SVIL: variants seen among roughly 807,000 people sequenced by gnomAD.
SVIL encodes supervillin.
SVIL carries 101 observed loss-of-function variants against 240.4 expected under a neutral mutation model. That is an observed-to-expected ratio of 0.42 (90% confidence interval 0.36 to 0.50). The LOEUF (loss-of-function observed/expected upper bound fraction) is 0.50. SVIL is among the 20% of genes least tolerant of loss of function. The pLI is 0.01. For missense variants in SVIL, 2,512 were observed against 2,818.7 expected (o/e 0.89, Z 2.46); for synonymous variants, 999 against 1,100.0 (o/e 0.91, Z 1.82).
At chr10:29,725,716 T>C (rs948163675) in intron 1 of SVIL, among the ~76,000 whole-genome samples, 1 of 152,158 alleles carries the variant, frequency 6.6e-6, no homozygotes, top group African/African-American at 2.4e-5. Context: ...TCAGTCAGGC[T>C]GATGGCCAGT....
chr10:29,675,232 G>T (rs1960107178), intron 2 of SVIL, among the ~76,000 whole-genome samples: 1 of 152,148 alleles, frequency 6.6e-6, no homozygotes, highest in Non-Finnish European at 1.5e-5. Flanking sequence ...GGGCACAATG[G>T]CTCATGTTTG....
intron 1 of SVIL, among the ~76,000 whole-genome samples, chr10:29,731,487 T>C (rs946607286): frequency 6.6e-6 from 1 of 152,250 alleles, no homozygotes; most frequent in Non-Finnish European, 1.5e-5. Flanking sequence ...ATGCATTTCA[T>C]GCAATAGAAA....
intron 16 of SVIL, among the ~76,000 whole-genome samples, chr10:29,520,657 C>T (rs1950500288): frequency 6.6e-6 from 1 of 152,138 alleles, no homozygotes; most frequent in African/African-American, 2.4e-5. Context: ...TCTGTAATCC[C>T]CGCACTTTGG....
chr10:29,550,846 G>A lies in SVIL; in HGVS notation c.578C>T (p.Ser193Phe). Residue 193 changes from serine to phenylalanine, a missense_variant, in exon 6 of 38, where the codon TCT (serine) becomes TTT (phenylalanine). This residue lies in a region of SVIL where 1,443 missense variants were observed against 1,486.6 expected (regional missense o/e 0.97). Transcript: ENST00000355867. ...KDYALHVGDG[S>F]SDPEVLLNIE... ...GTTCAGCAGCACCTCCGGGTCGGAA[G>A]AGCCGTCACCCACATGGAGGGCATA... 3 of 1,614,168 alleles carry A rather than the reference G, an allele frequency of 1.9e-6. No homozygotes were observed. Among genetic ancestry groups the A allele is most frequent in the Admixed American group, 1.7e-5 (1 of 60,022 alleles).
intron 3 of SVIL, among the ~76,000 whole-genome samples, chr10:29,640,434 C>G (rs186440266): frequency 6.6e-6 from 1 of 152,292 alleles, no homozygotes; most frequent in East Asian, 1.9e-4. Context: ...TCCCAGGACT[C>G]CGAGCCTGCT....
chr10:29,549,213 A>G (rs1333161029), intron 6 of SVIL, among the ~76,000 whole-genome samples: 2 of 146,230 alleles, frequency 1.4e-5, no homozygotes, highest in Admixed American at 6.9e-5. Flanking sequence ...TGGGTGAAGG[A>G]CATGAACAGA....
At chr10:29,459,764 A>C (rs1468384659) in intron 36 of SVIL, among the ~76,000 whole-genome samples, 1 of 152,154 alleles carries the variant, frequency 6.6e-6, no homozygotes, top group African/African-American at 2.4e-5. Flanking sequence ...TGTTGCTCAT[A>C]TTAGAAATAC....
At chr10:29,522,367 T>G in intron 16 of SVIL, 43 bp downstream of exon 16, 2 of 1,599,998 alleles carry the variant, frequency 1.3e-6, no homozygotes, top group Non-Finnish European at 1.7e-6. Context: ...AGCTGTAAGC[T>G]CCTCCCCGAG....
chr10:29,629,872 C>T lies in SVIL; in HGVS notation c.-201+4548G>A, dbSNP rs770839361. 3.4e-5 allele frequency among the ~76,000 whole-genome samples: 5 copies of T among 148,026 alleles called. 1 individual carries two copies. The highest frequency in any genetic ancestry group is 4.3e-4 in the South Asian group (2 of 4,608). On this transcript the variant is annotated intron_variant, in intron 1 of 37. Coordinates refer to ENST00000355867, the MANE Select transcript of SVIL (RefSeq NM_021738.3). ...GTGATTGCCTATAGTCCCAGCTACT[C>T]GGGAGGCTGAGGAAGGAGGAATGCT...
chr10:29,493,707 G>A (rs917133726), intron 20 of SVIL, among the ~76,000 whole-genome samples: 7 of 152,074 alleles, frequency 4.6e-5, no homozygotes, highest in Admixed American at 3.3e-4. Flanking sequence ...CTCATTCTAC[G>A]TGAAGGGTTG....
intron 1 of SVIL, among the ~76,000 whole-genome samples, chr10:29,612,486 A>G (rs901102971): frequency 1.3e-5 from 2 of 152,060 alleles, no homozygotes; most frequent in African/African-American, 4.8e-5. Flanking sequence ...CACGCTGATA[A>G]AGGACCTCCC....
At chr10:29,460,429 A>G (rs1944113476) in intron 36 of SVIL, among the ~76,000 whole-genome samples, 1 of 152,224 alleles carries the variant, frequency 6.6e-6, no homozygotes, top group Non-Finnish European at 1.5e-5. Context: ...CCCAAGATCT[A>G]TAGTGAATAC....
intron 36 of SVIL, among the ~76,000 whole-genome samples, chr10:29,461,288 C>T (rs1045655285): frequency 3.3e-5 from 5 of 152,140 alleles, no homozygotes; most frequent in African/African-American, 4.8e-5. Context: ...TCTGGTTTCA[C>T]GAAACCACAG....
At chr10:29,734,711 A>G (rs73596084) in intron 1 of SVIL, among the ~76,000 whole-genome samples, 18,239 of 152,180 alleles carry the variant, frequency 0.12, 1,221 homozygotes, top group South Asian at 0.23. Flanking sequence ...TAGGGTTCAC[A>G]GCAAGCAGAA....
intron 1 of SVIL, among the ~76,000 whole-genome samples, chr10:29,629,347 G>C (rs1232522106): frequency 2.0e-5 from 3 of 152,216 alleles, no homozygotes; most frequent in Non-Finnish European, 2.9e-5. Context: ...TCCATCTCAG[G>C]CACGTGGCAA....
chr10:29,606,948 T>A (rs1957050351), intron 1 of SVIL, among the ~76,000 whole-genome samples: 1 of 152,092 alleles, frequency 6.6e-6, no homozygotes, highest in East Asian at 1.9e-4. Context: ...AGAGACGAGG[T>A]TTCACCACGC....
intron 1 of SVIL, among the ~76,000 whole-genome samples, chr10:29,710,522 A>G (rs537913913): frequency 6.6e-6 from 1 of 152,306 alleles, no homozygotes; most frequent in Admixed American, 6.5e-5. Flanking sequence ...ATGAGCAAAG[A>G]CTCACATTTA....
At chr10:29,655,106 G>C (rs759147697) in intron 3 of SVIL, among the ~76,000 whole-genome samples, 87 of 152,204 alleles carry the variant, frequency 5.7e-4, no homozygotes, top group Non-Finnish European at 3.8e-4. Flanking sequence ...AATGTATTAG[G>C]GTTCTCCAGA....
chr10:29,553,372 A>G (rs1158637077), intron 5 of SVIL, among the ~76,000 whole-genome samples: 17 of 152,140 alleles, frequency 1.1e-4, no homozygotes, highest in Admixed American at 1.1e-3. Context: ...TGAGGTCAGG[A>G]GTTCGAGACC....
Sources: gnomAD v4.1 joint callset for allele counts (sites outside exome capture counted in the v4.1 genomes callset) on GRCh38, gnomAD v4.1.1 for gene constraint, gnomAD v4.1.1 regional missense constraint, MANE v1.5 for transcripts, NCBI Gene and HGNC (gene_info 2026-07-23, HGNC 2026-07-21) for gene names.